The following CACNA1B variants were observed in gnomAD, a reference collection of about 807,000 sequenced individuals.
CACNA1B encodes the protein calcium voltage-gated channel subunit alpha1 B, also known as voltage-dependent N-type calcium channel subunit alpha-1B.
Under a neutral mutation model 247.2 loss-of-function variants are expected in CACNA1B, and 70 were observed. The observed-to-expected ratio is 0.28, with a 90% CI of 0.23 to 0.35. The LOEUF is 0.35. CACNA1B is among the 10% of genes least tolerant of loss of function. CACNA1B has a pLI of 1.00. For synonymous variants in CACNA1B, 1,231 were observed against 1,294.4 expected (o/e 0.95, Z 1.05); for missense variants, 2,367 against 3,197.4 (o/e 0.74, Z 6.26).
chr9:137,937,901 C>T (rs371836601), intron 6 of CACNA1B, among the ~76,000 whole-genome samples: 87 of 131,148 alleles, frequency 6.6e-4, no homozygotes, highest in African/African-American at 2.4e-3. Context: ...GAGCCAAGAT[C>T]GCACCATTGC....
At chr9:137,976,122 C>A in intron 12 of CACNA1B, 103 bp downstream of exon 12, 1 of 732,540 alleles carries the variant, frequency 1.4e-6, no homozygotes, top group South Asian at 1.7e-5. Context: ...GGTCTGTGAC[C>A]CTACATGGGT....
At chr9:138,067,699 A>C (rs1333615169) in intron 31 of CACNA1B, among the ~76,000 whole-genome samples, 1 of 152,200 alleles carries the variant, frequency 6.6e-6, no homozygotes. Context: ...ACTCTTTCAA[A>C]ACATATAAAT....
chr9:137,980,808 C>T (rs1000698055), intron 12 of CACNA1B, among the ~76,000 whole-genome samples: 1 of 152,170 alleles, frequency 6.6e-6, no homozygotes, highest in Non-Finnish European at 1.5e-5. Flanking sequence ...GGCCTCTGGC[C>T]ACATCCATAT....
intron 10 of CACNA1B, among the ~76,000 whole-genome samples, chr9:137,966,820 G>C (rs528899042): frequency 2.4e-4 from 36 of 152,300 alleles, no homozygotes; most frequent in African/African-American, 8.7e-4. Context: ...TTACAGGCGT[G>C]AGCCACCGCA....
chr9:137,985,232 T>C (rs754849748), intron 13 of CACNA1B, among the ~76,000 whole-genome samples: 5 of 152,164 alleles, frequency 3.3e-5, no homozygotes, highest in Non-Finnish European at 5.9e-5. Context: ...CCTAAGACCA[T>C]AGGAGGATAT....
At chr9:137,938,567 T>A (rs866415729) in intron 6 of CACNA1B, among the ~76,000 whole-genome samples, 4 of 152,076 alleles carry the variant, frequency 2.6e-5, no homozygotes, top group Non-Finnish European at 4.4e-5. Context: ...AAAAAGACTT[T>A]CCATGCAAAT....
rs117124499 is a variant in CACNA1B at position 138,038,173 on chromosome 9, G to C, written c.3287-5601G>C. 2.7e-3 allele frequency among the ~76,000 whole-genome samples: 411 copies of C among 152,248 alleles called. 1 individual carries two copies. Among genetic ancestry groups the C allele is most frequent in the Non-Finnish European group, 4.6e-3 (315 of 68,010 alleles). ...AATTTTGAATTTTAACGTGTTTGAC[G>C]TATTTCAGTTCTTTGCAATCACTAT... On this transcript the variant is annotated intron_variant, in intron 20 of 46. Transcript: ENST00000371372.
intron 12 of CACNA1B, among the ~76,000 whole-genome samples, chr9:137,981,770 C>T (rs1045919377): frequency 6.6e-6 from 1 of 152,226 alleles, no homozygotes; most frequent in Admixed American, 6.5e-5. Flanking sequence ...TGAGCCACCA[C>T]GCCTTGCCTG....
At chr9:138,108,502 A>C (rs2131357895) in intron 39 of CACNA1B, among the ~76,000 whole-genome samples, 1 of 152,288 alleles carries the variant, frequency 6.6e-6, no homozygotes, top group East Asian at 1.9e-4. Context: ...GAAAAAGGGA[A>C]TATTTTCCAA....
chr9:137,926,747 G>A (rs957166561), intron 6 of CACNA1B, among the ~76,000 whole-genome samples: 1 of 152,172 alleles, frequency 6.6e-6, no homozygotes. Flanking sequence ...TGTATGTGAG[G>A]TGGTATCTGC....
chr9:138,114,528 T>G (rs1961786629), intron 41 of CACNA1B, 38 bp downstream of exon 41: 2 of 1,055,262 alleles, frequency 1.9e-6, no homozygotes, highest in Non-Finnish European at 2.9e-6. Context: ...AAAACTGTGA[T>G]GCCTCCGAGG....
intron 6 of CACNA1B, among the ~76,000 whole-genome samples, chr9:137,925,132 G>A (rs545348304): frequency 3.4e-4 from 52 of 152,322 alleles, no homozygotes; most frequent in African/African-American, 1.2e-3. Flanking sequence ...CAGATGGAAG[G>A]CACACATTCA....
In CACNA1B at chr9:137,965,769, A is replaced by G. The variant is rs572654250; in HGVS notation, c.1334-5614A>G. Among the ~76,000 whole-genome samples, 574 of 152,212 alleles carry G rather than the reference A, an allele frequency of 3.8e-3. 4 individuals carry two copies. Among genetic ancestry groups the G allele is most frequent in the African/African-American group, 0.013 (538 of 41,540 alleles). ...CCCAGCTAATTTTTGTGTTTTTAGTAGAGACAGGGTTTCACCAGGTTGGCC... is the reference window on the plus strand; with the variant it reads ...CCCAGCTAATTTTTGTGTTTTTAGTGGAGACAGGGTTTCACCAGGTTGGCC... On this transcript the variant is annotated intron_variant, in intron 10 of 46. Transcript: ENST00000371372.
chr9:137,949,684 C>T (rs945463562), intron 6 of CACNA1B, among the ~76,000 whole-genome samples: 3 of 152,000 alleles, frequency 2.0e-5, no homozygotes, highest in Non-Finnish European at 4.4e-5. Flanking sequence ...TGGCGGTGGC[C>T]GGCAGAGGTG....
At chr9:137,960,263 C>CAGGGAGGGGAGGT (rs1564208776) in intron 10 of CACNA1B, among the ~76,000 whole-genome samples, 65 of 142,554 alleles carry the variant, frequency 4.6e-4, no homozygotes, top group East Asian at 6.5e-4. Flanking sequence ...TGAGGGACAC[C>CAGGGAGGGGAGGT]CGGAGAGAAG....
Position 137,886,614 on chromosome 9 carries a change from C to T in CACNA1B, c.530+3731C>T, listed in dbSNP as rs1444219913. ...CATGTTCTGGGGACAAGACACCTCCCGGGCCTGGTCTCTTTGCAGCCTGGT... is the reference window on the plus strand; with the variant it reads ...CATGTTCTGGGGACAAGACACCTCCTGGGCCTGGTCTCTTTGCAGCCTGGT... On this transcript the variant is annotated intron_variant, in intron 3 of 46. Coordinates refer to ENST00000371372, the MANE Select transcript of CACNA1B (RefSeq NM_000718.4). Among the ~76,000 whole-genome samples the T allele has an allele frequency of 1.9e-3, 286 of 151,210 alleles. 2 individuals carry two copies. The highest frequency in any genetic ancestry group is 6.6e-3 in the African/African-American group (274 of 41,224).
At position 137,917,332 on chromosome 9, in the gene CACNA1B, A is replaced by G. The variant is rs1336210018; in HGVS notation, c.867A>G (p.Gly289=). Residue 289 remains glycine (G), a synonymous_variant, in exon 6 of 47, where the codon GGA becomes GGG. Coordinates refer to ENST00000371372, the MANE Select transcript of CACNA1B (RefSeq NM_000718.4). This position sits in a 1 kb window ranked among gnomAD's most constrained non-coding sequence, Gnocchi z 5.5. ...CTGAGTGCCGGGAGTACTGGCCAGG[A>G]CCCAACTTTGGCATCACCAACTTTG... is the stretch of plus-strand genomic sequence containing the variant. ...GDTECREYWP[G]PNFGITNFDN... The G allele has an allele frequency of 1.2e-6, 2 of 1,613,964 alleles. No homozygotes were observed. Among genetic ancestry groups the G allele is most frequent in the Non-Finnish European group, 1.7e-6 (2 of 1,179,866 alleles).
intron 34 of CACNA1B, among the ~76,000 whole-genome samples, chr9:138,075,419 T>A (rs971173842): frequency 1.3e-5 from 2 of 152,238 alleles, no homozygotes; most frequent in African/African-American, 4.8e-5. Flanking sequence ...CCCGTTGTAC[T>A]ATTGCATATG....
chr9:138,121,848 G>A lies in CACNA1B; in HGVS notation c.6869G>A (p.Arg2290His), dbSNP rs76756995. 48 of 1,613,202 alleles carry A rather than the reference G, an allele frequency of 3.0e-5. No homozygotes were observed. The highest frequency in any genetic ancestry group is 1.3e-4 in the Admixed American group (8 of 60,008). ...FEEAVATNSG[R>H]SSRTSYVSSL... is the part of the protein sequence containing the mutation. ...GAGGCTGTGGCCACCAACTCGGGCC[G>A]CTCCTCCAGGACTTCCTACGTGTCC... The change falls in exon 47 of 47, where the codon CGC becomes CAC. Residue 2290 changes from arginine to histidine, a missense_variant. Physicochemically the swap from Arg to His is conservative, Grantham distance 29. Transcript: ENST00000371372. The surrounding 1 kb of genome is among the most constrained non-coding windows in gnomAD (Gnocchi z 6.8).
Sources: gnomAD v4.1 joint callset for allele counts (sites outside exome capture counted in the v4.1 genomes callset) on GRCh38, gnomAD v4.1.1 for gene constraint, Gnocchi (gnomAD v3.1) non-coding constraint, MANE v1.5 for transcripts, NCBI Gene and HGNC (gene_info 2026-07-23, HGNC 2026-07-21) for gene names.